Variants in SEC23A observed in about 807,000 individuals in gnomAD.
The protein encoded by SEC23A is SEC23 homolog A, COPII component.
SEC23A carries 56 observed loss-of-function variants against 103.7 expected under a neutral mutation model. That is an observed-to-expected ratio of 0.54 (90% CI 0.44 to 0.67). The LOEUF (loss-of-function observed/expected upper bound fraction) is 0.67, where lower values mean the gene tolerates loss of function less well. Ranked by LOEUF, SEC23A falls within the 30% of genes least tolerant of loss-of-function variation. SEC23A has a pLI of 0.00. For missense variants in SEC23A, 784 were observed against 936.4 expected (o/e 0.84, Z 2.12); for synonymous variants, 281 against 293.0 (o/e 0.96, Z 0.42).
At chr14:39,096,716 A>T (rs932898804) in intron 1 of SEC23A, among the ~76,000 whole-genome samples, 2 of 152,198 alleles carry the variant, frequency 1.3e-5, no homozygotes, top group African/African-American at 4.8e-5. Context: ...TTAAGGATAT[A>T]TAGGAAAGAA....
intron 14 of SEC23A, among the ~76,000 whole-genome samples, chr14:39,052,214 C>G (rs1380453932): frequency 2.0e-5 from 3 of 151,770 alleles, no homozygotes; most frequent in Non-Finnish European, 2.9e-5. Flanking sequence ...GCCTATAATA[C>G]CTGGGTGATG....
chr14:39,045,925 C>CT (rs1885819133), intron 15 of SEC23A, among the ~76,000 whole-genome samples: 5 of 152,140 alleles, frequency 3.3e-5, no homozygotes, highest in Non-Finnish European at 5.9e-5. Context: ...CCACCCACAT[C>CT]TCACCTTGAA....
chr14:39,036,285 A>G (rs982625358), intron 19 of SEC23A, among the ~76,000 whole-genome samples: 22 of 137,130 alleles, frequency 1.6e-4, no homozygotes, highest in Non-Finnish European at 9.1e-5. Context: ...TCGCGTCACT[A>G]CACTCCAGCC....
chr14:39,042,923 T>A, intron 16 of SEC23A, 51 bp from the exon 17 acceptor site: 2 of 1,039,790 alleles, frequency 1.9e-6, no homozygotes, highest in Non-Finnish European at 1.5e-6. Flanking sequence ...AATAATCTAC[T>A]CAATAATATA....
Position 39,095,990 on chromosome 14 carries a change from T to C in SEC23A, c.129A>G (p.Thr43=), listed in dbSNP as rs1182101092. The change falls in exon 2 of 20, where the codon ACA becomes ACG. Residue 43 remains threonine (T), a synonymous_variant. Coordinates refer to ENST00000307712, the MANE Select transcript of SEC23A (RefSeq NM_006364.4). ...GTAAGTCAGGTCTCTCTTTCAGTGGTGTAAACAGGGCTGCCACAGGAACAA... is the reference window on the plus strand; with the variant it reads ...GTAAGTCAGGTCTCTCTTTCAGTGGCGTAAACAGGGCTGCCACAGGAACAA... The part of the protein sequence containing the change: ...RMVVPVAALF[T]PLKERPDLPP... 4 of 1,614,142 alleles carry C rather than the reference T, an allele frequency of 2.5e-6. No individual in the cohort carries two copies. The East Asian group carries it at 8.9e-5, about 36-fold the overall frequency.
At chr14:39,095,875 GT>G in intron 2 of SEC23A, 22 bp downstream of exon 2, 1 of 1,518,258 alleles carries the variant, frequency 6.6e-7, no homozygotes, top group African/African-American at 1.4e-5. Context: ...TGCCACATTA[GT>G]TTTTCTATAT....
chr14:39,052,802 C>G (rs1886113137), intron 14 of SEC23A, among the ~76,000 whole-genome samples: 1 of 152,048 alleles, frequency 6.6e-6, no homozygotes, highest in Non-Finnish European at 1.5e-5. Flanking sequence ...AAGAATATTG[C>G]CAATATGTAA....
intron 9 of SEC23A, among the ~76,000 whole-genome samples, chr14:39,069,972 T>C (rs1003168076): frequency 4.6e-5 from 7 of 152,360 alleles, no homozygotes; most frequent in African/African-American, 1.7e-4. Context: ...TGACATCCTA[T>C]CTACCATACT....
At chr14:39,095,553 T>G (rs1345825480) in intron 2 of SEC23A, among the ~76,000 whole-genome samples, 1 of 152,122 alleles carries the variant, frequency 6.6e-6, no homozygotes, top group South Asian at 2.1e-4. Flanking sequence ...CACCTCGGCC[T>G]CCCAAAGTGC....
intron 16 of SEC23A, among the ~76,000 whole-genome samples, chr14:39,043,235 G>A (rs1376897422): frequency 1.3e-5 from 2 of 152,116 alleles, no homozygotes; most frequent in Admixed American, 1.3e-4. Flanking sequence ...TCCTGCCTTA[G>A]CCTCCCAAAG....
intron 9 of SEC23A, among the ~76,000 whole-genome samples, chr14:39,067,813 G>A (rs901424350): frequency 1.3e-5 from 2 of 151,818 alleles, no homozygotes; most frequent in Non-Finnish European, 2.9e-5. Context: ...TGGACTACAG[G>A]TTGCACCAAC....
At chr14:39,101,410 G>C (rs1452208420) in intron 1 of SEC23A, among the ~76,000 whole-genome samples, 1 of 151,744 alleles carries the variant, frequency 6.6e-6, no homozygotes, top group Admixed American at 6.6e-5. Context: ...ATGAGGTCAG[G>C]AGATCGAGAC....
chr14:39,063,440 G>T, intron 11 of SEC23A, 27 bp from the exon 12 acceptor site: 1 of 1,329,238 alleles, frequency 7.5e-7, no homozygotes, highest in Non-Finnish European at 1.1e-6. Context: ...TAGCATGTTT[G>T]AAAGCTAGAG....
intron 6 of SEC23A, among the ~76,000 whole-genome samples, chr14:39,086,133 G>A (rs1294285680): frequency 6.6e-6 from 1 of 152,072 alleles, no homozygotes; most frequent in Non-Finnish European, 1.5e-5. Flanking sequence ...TGGAGCCGAA[G>A]AATTTGCATT....
chr14:39,093,374 T>C (rs899184498), intron 2 of SEC23A, 130 bp from the exon 3 acceptor site: 2 of 716,390 alleles, frequency 2.8e-6, no homozygotes, highest in Non-Finnish European at 4.6e-6. Flanking sequence ...AAGTAACTTT[T>C]AAAAGCCATG....
rs1354183803 is a variant in SEC23A, at chr14:39,095,947, G to A, written c.172C>T (p.Pro58Ser). The change falls in exon 2 of 20, where the codon CCT becomes TCT. Residue 58 changes from proline to serine, a missense_variant. Around this residue, in one of 2 missense-constraint regions of SEC23A, gnomAD observed 683 missense variants for 774.2 expected, o/e 0.88. Coordinates refer to ENST00000307712, the MANE Select transcript of SEC23A (RefSeq NM_006364.4). ...RPDLPPIQYE[P>S]VLCSRTTCRA... ...CAAGTGGTCCTACTACACAGAACAG[G>A]TTCATATTGAATAGGTGGTAAGTCA... is the stretch of plus-strand genomic sequence containing the variant. 1.2e-6 allele frequency: 2 copies of A among 1,614,100 alleles called. No individual in the cohort carries two copies. Among genetic ancestry groups the A allele is most frequent in the Admixed American group, 1.7e-5 (1 of 59,994 alleles).
intron 19 of SEC23A, among the ~76,000 whole-genome samples, chr14:39,033,605 G>A (rs531112380): frequency 7.2e-5 from 11 of 152,032 alleles, no homozygotes; most frequent in African/African-American, 1.2e-4. Flanking sequence ...TAGTCACCAC[G>A]AAGACTAACA....
intron 1 of SEC23A, 135 bp from the exon 2 acceptor site, chr14:39,096,274 T>A: frequency 3.1e-6 from 2 of 648,606 alleles, no homozygotes; most frequent in Non-Finnish European, 5.4e-6. Context: ...CTCACGCCGG[T>A]AATCCCAGCA....
intron 1 of SEC23A, among the ~76,000 whole-genome samples, chr14:39,097,281 C>T (rs895716328): frequency 6.6e-6 from 1 of 152,216 alleles, no homozygotes; most frequent in South Asian, 2.1e-4. Context: ...CAAACTGCAA[C>T]AGTAGTTAGT....
Sources: allele counts gnomAD v4.1 joint callset (sites outside exome capture counted in the v4.1 genomes callset), GRCh38; gene constraint gnomAD v4.1.1; regional missense constraint gnomAD v4.1.1; transcripts MANE v1.5; gene names NCBI Gene and HGNC (gene_info 2026-07-23, HGNC 2026-07-21).